TRPM2: variants seen among roughly 807,000 people sequenced by gnomAD.
TRPM2 encodes the protein estrogen-responsive element-associated gene 1 protein.
In TRPM2, 161 loss-of-function variants were observed where a neutral mutation model predicts 174.0. The observed-to-expected ratio is 0.93, with a 90% confidence interval of 0.81 to 1.05. The LOEUF (loss-of-function observed/expected upper bound fraction) is 1.05, where lower values mean the gene tolerates loss of function less well. Ranked by LOEUF, TRPM2 falls within the 50% of genes least tolerant of loss-of-function variation. The pLI is 0.00. For missense variants in TRPM2, 2,057 were observed against 2,038.0 expected, an observed-to-expected ratio of 1.01 and a Z score of -0.18; for synonymous variants, 954 against 861.3, an observed-to-expected ratio of 1.11 and a Z score of -1.88.
chr21:44,393,013 C>G (rs943895609), intron 11 of TRPM2, among the ~76,000 whole-genome samples: 2 of 151,856 alleles, frequency 1.3e-5, no homozygotes, highest in Non-Finnish European at 2.9e-5. Context: ...TCAAGGGAAC[C>G]CTGCTCTAAT....
chr21:44,397,663 T>G, intron 12 of TRPM2, 84 bp from the exon 13 acceptor site: 1 of 1,446,162 alleles, frequency 6.9e-7, no homozygotes, highest in Non-Finnish European at 9.2e-7. Flanking sequence ...GGCCTCGTTT[T>G]CATCACCTGG....
chr21:44,439,076 G>T lies in TRPM2; in HGVS notation c.4177G>T (p.Glu1393Ter), dbSNP rs750342145. 6 of 1,613,044 alleles carry T rather than the reference G, an allele frequency of 3.7e-6. No individual in the cohort carries two copies. Among genetic ancestry groups the T allele is most frequent in the Non-Finnish European group, 4.2e-6 (5 of 1,179,764 alleles). Residue 1393 changes from glutamate to a stop codon, truncating the protein, a stop_gained, in exon 30 of 32, where the codon GAG becomes TAG. Coordinates refer to ENST00000397928, the MANE Select transcript of TRPM2 (RefSeq NM_003307.4). LOFTEE classifies it high-confidence loss of function. This position sits in a 1 kb window ranked among gnomAD's most constrained non-coding sequence, Gnocchi z 5.1. ...TCCTCTGTCTGTCCAGGGCTCCCGG[G>T]AGCCAGGGGAGATGCTACCTCGGAA... is the stretch of plus-strand genomic sequence containing the variant. Reference protein sequence around the residue: ...EHWALPGGSREPGEMLPRKLK... With the variant: ...EHWALPGGSR
At chr21:44,364,054 C>T (rs2048289030) in intron 2 of TRPM2, 60 bp from the exon 3 acceptor site, 3 of 1,556,026 alleles carry the variant, frequency 1.9e-6, no homozygotes, top group Non-Finnish European at 1.7e-6. Flanking sequence ...CCTCTGATGC[C>T]TTCACAGGGA....
At chr21:44,427,882 C>T (rs45606140) in intron 27 of TRPM2, among the ~76,000 whole-genome samples, 12 of 152,148 alleles carry the variant, frequency 7.9e-5, no homozygotes, top group East Asian at 3.9e-4. Context: ...CAGCTGCAGG[C>T]GGCCCGCTCT....
rs138045267 is a variant in TRPM2, at chr21:44,421,729, A to G, written c.3462-1916A>G. On this transcript the variant is annotated intron_variant, in intron 22 of 31. Coordinates refer to ENST00000397928, the MANE Select transcript of TRPM2 (RefSeq NM_003307.4). The stretch of plus-strand genomic sequence containing the variant: ...AGTTTGAGACCAGCCTGGGTAACAT[A>G]GTGAGACCCCATCTCTACAAAAAAT... Among the ~76,000 whole-genome samples the G allele has an allele frequency of 1.5e-3, 229 of 152,260 alleles. 3 individuals are homozygous for G. The highest frequency in any genetic ancestry group is 0.01 in the Middle Eastern group (3 of 294).
chr21:44,399,438 C>T lies in TRPM2; in HGVS notation c.2205C>T (p.Ile735=). The change falls in exon 14 of 32, where the codon ATC becomes ATT. Residue 735 remains isoleucine, a synonymous_variant. Transcript: ENST00000397928. This position sits in a 1 kb window ranked among gnomAD's most constrained non-coding sequence, Gnocchi z 4.6. ...KDMKFVSHGG[I]QAFLTKVWWG... ...TGAAGTTTGTGTCTCACGGGGGCAT[C>T]CAGGTGACCTCCCAAGAGCCCCTTC... is the stretch of plus-strand genomic sequence containing the variant. 1 of 1,610,782 alleles carries T rather than the reference C, an allele frequency of 6.2e-7. No individual in the cohort carries two copies. Among genetic ancestry groups the T allele is most frequent in the Non-Finnish European group, 8.5e-7 (1 of 1,178,736 alleles).
intron 31 of TRPM2, 88 bp downstream of exon 31, chr21:44,440,993 G>A: frequency 8.8e-7 from 1 of 1,142,740 alleles, no homozygotes; most frequent in Non-Finnish European, 1.3e-6. Flanking sequence ...GCAGGGATGG[G>A]GGTCTGGATT....
intron 2 of TRPM2, among the ~76,000 whole-genome samples, chr21:44,362,348 CA>C (rs57031573): frequency 0.31 from 27,919 of 89,204 alleles, 3,620 homozygotes; most frequent in African/African-American, 0.43. Flanking sequence ...ACTAAAAATA[CA>C]AAAAAAAAAA....
chr21:44,418,217 A>C, intron 21 of TRPM2, 109 bp downstream of exon 21: 2 of 1,439,894 alleles, frequency 1.4e-6, no homozygotes, highest in Non-Finnish European at 1.9e-6. Flanking sequence ...GCAGGCGTGC[A>C]GGTCACTCAG....
chr21:44,426,504 T>C (rs1179706921), intron 25 of TRPM2, among the ~76,000 whole-genome samples, 156 bp from the exon 26 acceptor site: 5 of 152,258 alleles, frequency 3.3e-5, no homozygotes, highest in Admixed American at 2.0e-4. Flanking sequence ...CAGCTCTGCC[T>C]GGCACCCGGA....
chr21:44,399,257 G>C lies in TRPM2; in HGVS notation c.2063-39G>C, dbSNP rs2049528214. On this transcript the variant is annotated intron_variant, in intron 13 of 31. Coordinates refer to ENST00000397928, the MANE Select transcript of TRPM2 (RefSeq NM_003307.4). This position sits in a 1 kb window ranked among gnomAD's most constrained non-coding sequence, Gnocchi z 4.6. Reference sequence around the variant, plus strand: ...CCCGTCCCCAGGGCTCAGTGATTGTGACCTGCTGCTCTGACGGGGCTCTCA... The same window carrying C: ...CCCGTCCCCAGGGCTCAGTGATTGTCACCTGCTGCTCTGACGGGGCTCTCA... 4 of 1,589,766 alleles carry C rather than the reference G, an allele frequency of 2.5e-6. No individual in the cohort carries two copies. In the African/African-American group the frequency reaches 5.4e-5, roughly 21 times the overall value.
chr21:44,437,245 G>A, intron 29 of TRPM2, 78 bp downstream of exon 29: 2 of 1,377,200 alleles, frequency 1.5e-6, no homozygotes, highest in Non-Finnish European at 2.0e-6. Context: ...TCTGCCCACG[G>A]ACTGGACACC....
In TRPM2 at chr21:44,441,697, G is replaced by T. The variant is rs768564383; in HGVS notation, c.4392G>T (p.Leu1464=). Reference sequence around the variant, plus strand: ...CTGTGCCCTTGTTCTTCCAGAACCTGCACGCCTGCGACTCGGGGGCCTCCA... The same window carrying T: ...CTGTGCCCTTGTTCTTCCAGAACCTTCACGCCTGCGACTCGGGGGCCTCCA... ...DVELNRLNSN[L]HACDSGASIR... The change falls in exon 32 of 32, where the codon CTG becomes CTT. Residue 1464 remains leucine, a synonymous_variant. Transcript: ENST00000397928. 1 of 1,609,570 alleles carries T rather than the reference G, an allele frequency of 6.2e-7. No homozygotes were observed. The highest frequency in any genetic ancestry group is 1.1e-5 in the South Asian group (1 of 90,226).
At chr21:44,415,883 T>C (rs1039142237) in intron 20 of TRPM2, 2 of 152,052 alleles carry the variant, frequency 1.3e-5, no homozygotes, top group African/African-American at 4.8e-5. Context: ...GTTTTGCTCT[T>C]GCAGCTTTTA....
Position 44,379,083 on chromosome 21 carries a change from C to CA in TRPM2, c.1103dup (p.Asn368LysfsTer25). The CA allele has an allele frequency of 6.2e-7, 1 of 1,613,142 alleles. No individual in the cohort carries two copies. On this transcript the variant is annotated frameshift_variant, in exon 8 of 32. Coordinates refer to ENST00000397928, the MANE Select transcript of TRPM2 (RefSeq NM_003307.4). LOFTEE classifies it high-confidence loss of function. ...TGGCCGACGTCATTGCCCAGGTGGC[C>CA]AACCTGCCTGTCTCGGACATCACTA...
In TRPM2 at chr21:44,391,509, C is replaced by T; in HGVS notation, c.1678C>T (p.His560Tyr). ...APAAPRLQMH[H>Y]VAQVLRELLG... ...CGCGGCGCCCCGCCTGCAGATGCAC[C>T]ACGTGGCCCAGGTGCTGCGGGAGCT... is the stretch of plus-strand genomic sequence containing the variant. The change falls in exon 11 of 32, where the codon CAC (histidine) becomes TAC (tyrosine). Residue 560 changes from histidine to tyrosine, a missense_variant. Physicochemically the swap from His to Tyr is moderately conservative, Grantham distance 83 (BLOSUM62 2). Transcript: ENST00000397928. This position sits in a 1 kb window ranked among gnomAD's most constrained non-coding sequence, Gnocchi z 5.0. 3.1e-6 allele frequency: 5 copies of T among 1,609,892 alleles called. No homozygotes were observed. The highest frequency in any genetic ancestry group is 4.2e-6 in the Non-Finnish European group (5 of 1,179,164).
Position 44,422,455 on chromosome 21 carries a change from T to A in TRPM2, c.3462-1190T>A. ...GCGGCTTTTGTGGGATTAAGCAAAA[T>A]GAAATGTGGGTGAAAGGAGATGCCC... is the stretch of plus-strand genomic sequence containing the variant. On this transcript the variant is annotated intron_variant, in intron 22 of 31. Coordinates refer to ENST00000397928, the MANE Select transcript of TRPM2 (RefSeq NM_003307.4). The A allele has an allele frequency of 1.3e-6, 2 of 1,533,164 alleles. 1 individual carries two copies. Among genetic ancestry groups the A allele is most frequent in the Middle Eastern group, 3.3e-4 (2 of 5,974 alleles). 95.0% of individuals were successfully genotyped at this position (1,533,164 alleles called of 1,614,324 possible). A position where few individuals can be genotyped will look rare whatever the true frequency, so the allele number is the denominator to read the frequency against.
intron 8 of TRPM2, among the ~76,000 whole-genome samples, chr21:44,382,010 T>C (rs1297304190): frequency 6.7e-6 from 1 of 149,818 alleles, no homozygotes; most frequent in Non-Finnish European, 1.5e-5. Flanking sequence ...GATAGATAGA[T>C]AGTGGGTGGG....
Position 44,417,993 on chromosome 21 carries a change from C to G in TRPM2, c.3213C>G (p.Ile1071Met), listed in dbSNP as rs755880099. Reference protein sequence around the residue: ...QIWKFQRHDLIEEYHGRPAAP... With the variant: ...QIWKFQRHDLMEEYHGRPAAP... ...GGAAGTTCCAGCGCCATGACCTGAT[C>G]GAGGAGTACCACGGCCGCCCCGCCG... Residue 1071 changes from isoleucine to methionine, a missense_variant, in exon 21 of 32, where the codon ATC (isoleucine) becomes ATG (methionine). Physicochemically the swap from Ile to Met is conservative, Grantham distance 10. Transcript: ENST00000397928. 2.5e-6 allele frequency: 4 copies of G among 1,612,898 alleles called. No individual in the cohort carries two copies. Among genetic ancestry groups the G allele is most frequent in the South Asian group, 1.1e-5 (1 of 91,090 alleles).
Sources: gnomAD v4.1 joint callset for allele counts (sites outside exome capture counted in the v4.1 genomes callset) on GRCh38, gnomAD v4.1.1 for gene constraint, Gnocchi (gnomAD v3.1) non-coding constraint, MANE v1.5 for transcripts, NCBI Gene and HGNC (gene_info 2026-07-23, HGNC 2026-07-21) for gene names.